RDX: variants seen among roughly 807,000 people sequenced by gnomAD.
The protein encoded by RDX is radixin.
Under a neutral mutation model 83.7 loss-of-function variants are expected in RDX, and 32 were observed. The ratio of observed to expected loss-of-function variants is 0.38; its 90% confidence interval spans 0.29 to 0.51. RDX has a LOEUF of 0.51. Among genes scored for constraint, RDX ranks in the 20% least tolerant of loss-of-function variants. The probability of loss-of-function intolerance (pLI) is 0.87; values close to 1 mark genes in which losing one functional copy is unlikely to be tolerated. For missense variants in RDX, 600 were observed against 689.9 expected, an observed-to-expected ratio of 0.87 and a Z score of 1.46; for synonymous variants, 229 against 222.7, an observed-to-expected ratio of 1.03 and a Z score of -0.25.
chr11:110,222,625 T>A (rs1457937456), intron 14 of RDX, among the ~76,000 whole-genome samples: 1 of 152,078 alleles, frequency 6.6e-6, no homozygotes, highest in African/African-American at 2.4e-5. Flanking sequence ...TAAAACCTCG[T>A]CTCTACTAAA....
chr11:110,203,413 TAA>T (rs34158580), intron 14 of RDX, among the ~76,000 whole-genome samples: 59,660 of 125,162 alleles, frequency 0.48, 12,589 homozygotes, highest in East Asian at 0.63. Flanking sequence ...TGTTAATGGG[TAA>T]AAAAAAAAAA....
chr11:110,240,287 CA>C (rs1407621385), intron 10 of RDX, among the ~76,000 whole-genome samples: 1 of 151,958 alleles, frequency 6.6e-6, no homozygotes, highest in East Asian at 1.9e-4. Flanking sequence ...AAACCAAGCA[CA>C]GAAAGACAAC....
At chr11:110,180,824 CCTT>C (rs1395876473) in intron 15 of RDX, among the ~76,000 whole-genome samples, 1 of 152,052 alleles carries the variant, frequency 6.6e-6, no homozygotes, top group African/African-American at 2.4e-5. Context: ...TCAAACATCA[CCTT>C]CTCAGTGAAG....
At chr11:110,225,620 T>C (rs1275677613), downstream of RDX, among the ~76,000 whole-genome samples, 1 of 151,958 alleles carries the variant, frequency 6.6e-6, no homozygotes, top group Non-Finnish European at 1.5e-5. Flanking sequence ...AGCAAGCAAA[T>C]AAGCAAACAA....
chr11:110,206,400 T>C (rs568002988), intron 14 of RDX, among the ~76,000 whole-genome samples: 7 of 152,242 alleles, frequency 4.6e-5, no homozygotes, highest in African/African-American at 1.7e-4. Context: ...CATGTGTGTG[T>C]AATAAAATTA....
intron 10 of RDX, among the ~76,000 whole-genome samples, chr11:110,245,243 C>T (rs971303295): frequency 2.0e-5 from 3 of 152,094 alleles, no homozygotes; most frequent in African/African-American, 7.2e-5. Context: ...TGAGCCACCA[C>T]GCCTGGCCAA....
At chr11:110,258,824 G>T (rs1415693237) in intron 5 of RDX, among the ~76,000 whole-genome samples, 1 of 145,002 alleles carries the variant, frequency 6.9e-6, no homozygotes, top group Non-Finnish European at 1.5e-5. Context: ...ACTTGTTTTT[G>T]TATCCTTCCA....
chr11:110,208,639 T>C (rs1863691995), intron 14 of RDX, among the ~76,000 whole-genome samples: 1 of 152,228 alleles, frequency 6.6e-6, no homozygotes, highest in African/African-American at 2.4e-5. Context: ...TTCTTTGATT[T>C]CTAGGGCTTT....
chr11:110,238,608 T>C (rs1334372298), intron 10 of RDX, among the ~76,000 whole-genome samples: 3 of 152,110 alleles, frequency 2.0e-5, no homozygotes, highest in Non-Finnish European at 4.4e-5. Context: ...TCAGAACTAG[T>C]TGAGTAATTG....
intron 3 of RDX, among the ~76,000 whole-genome samples, chr11:110,266,904 G>C (rs988149318): frequency 4.6e-5 from 7 of 151,578 alleles, no homozygotes; most frequent in Admixed American, 4.6e-4. Context: ...TTGTTTGTTT[G>C]TTTGTTTGTT....
rs202177331 is a variant in RDX, at chr11:110,279,687, C to T, written c.6G>A (p.Pro2=). The T allele has an allele frequency of 9.2e-5, 141 of 1,525,896 alleles. No homozygotes were observed. The highest frequency in any genetic ancestry group is 7.2e-4 in the East Asian group (32 of 44,250). 94.5% of individuals were successfully genotyped at this position (1,525,896 alleles called of 1,614,324 possible). The change falls in exon 2 of 14, where the codon CCG becomes CCA. Residue 2 remains proline (P), a synonymous_variant. Transcript: ENST00000645495. M[P]KPINVRVTTM... is the part of the protein sequence containing the mutation. ...TGTAATAAAATACACTTACTGGTTT[C>T]GGCATTTTCTTTCTCTTTTTGTTAC...
At chr11:110,217,640 A>G (rs969828642) in intron 14 of RDX, among the ~76,000 whole-genome samples, 27 of 152,242 alleles carry the variant, frequency 1.8e-4, no homozygotes, top group African/African-American at 6.3e-4. Context: ...AGTGCTGGAA[A>G]TTACTCCTAA....
At chr11:110,227,983 C>G (rs1223703936), downstream of RDX, among the ~76,000 whole-genome samples, 1 of 151,998 alleles carries the variant, frequency 6.6e-6, no homozygotes, top group Non-Finnish European at 1.5e-5. Context: ...AAATAAATGG[C>G]AATTTTAACA....
intron 15 of RDX, among the ~76,000 whole-genome samples, chr11:110,176,252 C>T (rs140584921): frequency 0.01 from 1,562 of 152,030 alleles, 23 homozygotes; most frequent in African/African-American, 0.035. Context: ...TTAGTAGAGA[C>T]GGGGTTTCAC....
chr11:110,219,721 G>A (rs1864181073), intron 14 of RDX, among the ~76,000 whole-genome samples: 1 of 152,224 alleles, frequency 6.6e-6, no homozygotes, highest in South Asian at 2.1e-4. Context: ...AGAAGGGGAA[G>A]ACTGAGGCAG....
At chr11:110,229,110 T>C (rs932492540), downstream of RDX, among the ~76,000 whole-genome samples, 52 of 151,986 alleles carry the variant, frequency 3.4e-4, no homozygotes, top group Admixed American at 2.8e-3. Flanking sequence ...AATGTTGAAA[T>C]GTTAATAGTG....
At chr11:110,289,979 A>AAAAC (rs1861165478) in intron 1 of RDX, among the ~76,000 whole-genome samples, 3 of 144,708 alleles carry the variant, frequency 2.1e-5, no homozygotes, top group African/African-American at 8.1e-5. Flanking sequence ...AAAAAAAAAA[A>AAAAC]AAACAAGGGT....
At chr11:110,176,997 A>G (rs965866256) in intron 15 of RDX, among the ~76,000 whole-genome samples, 2 of 152,236 alleles carry the variant, frequency 1.3e-5, no homozygotes, top group Non-Finnish European at 2.9e-5. Context: ...TTCCACCGTG[A>G]CTGAAGCTTT....
At chr11:110,214,580 T>C (rs1222842095) in intron 14 of RDX, among the ~76,000 whole-genome samples, 40 of 82,342 alleles carry the variant, frequency 4.9e-4, no homozygotes, top group African/African-American at 1.9e-3. Context: ...AGCAAAGACT[T>C]GGAACCAACC....
Sources: gnomAD v4.1 joint callset for allele counts (sites outside exome capture counted in the v4.1 genomes callset) on GRCh38, gnomAD v4.1.1 for gene constraint, MANE v1.5 for transcripts, NCBI Gene and HGNC (gene_info 2026-07-23, HGNC 2026-07-21) for gene names.